Variants in CPQ observed in about 807,000 individuals in gnomAD.
CPQ encodes the protein carboxypeptidase Q, also known as Ser-Met dipeptidase.
CPQ carries 37 observed loss-of-function variants against 45.7 expected under a neutral mutation model. The ratio of observed to expected loss-of-function variants is 0.81; its 90% CI spans 0.62 to 1.07. CPQ has a LOEUF of 1.07. Among genes scored for constraint, CPQ ranks in the 50% least tolerant of loss-of-function variants. The probability of loss-of-function intolerance (pLI) is 0.00; values close to 1 mark genes in which losing one functional copy is unlikely to be tolerated. For missense variants in CPQ, 537 were observed against 572.9 expected, an observed-to-expected ratio of 0.94 and a Z score of 0.64; for synonymous variants, 186 against 205.8, an observed-to-expected ratio of 0.90 and a Z score of 0.82.
At chr8:97,093,875 C>T (rs1403934979) in intron 7 of CPQ, among the ~76,000 whole-genome samples, 2 of 152,180 alleles carry the variant, frequency 1.3e-5, no homozygotes, top group African/African-American at 4.8e-5. Flanking sequence ...TAGTCTCTGA[C>T]ATCACTGGGA....
chr8:96,978,870 C>A (rs1340437763), intron 5 of CPQ, among the ~76,000 whole-genome samples: 1 of 152,066 alleles, frequency 6.6e-6, no homozygotes, highest in African/African-American at 2.4e-5. Flanking sequence ...ATCACTGTAT[C>A]ACACACTTGG....
At chr8:96,918,605 G>A (rs114755245) in intron 4 of CPQ, among the ~76,000 whole-genome samples, 3 of 152,188 alleles carry the variant, frequency 2.0e-5, no homozygotes, top group Admixed American at 1.3e-4. Flanking sequence ...TAGGAATAGG[G>A]CTGCTGGTGT....
chr8:96,902,657 T>G (rs578178218), intron 4 of CPQ, among the ~76,000 whole-genome samples: 1 of 152,180 alleles, frequency 6.6e-6, no homozygotes, highest in Non-Finnish European at 1.5e-5. Flanking sequence ...TCTGCTACTA[T>G]GTATCTCGGT....
At chr8:96,810,133 G>C (rs572341126) in intron 2 of CPQ, among the ~76,000 whole-genome samples, 1 of 152,140 alleles carries the variant, frequency 6.6e-6, no homozygotes, top group Non-Finnish European at 1.5e-5. Context: ...CCTTCTCCAA[G>C]AGCCTTCCCC....
intron 2 of CPQ, among the ~76,000 whole-genome samples, chr8:96,806,025 A>G (rs1184939941): frequency 6.6e-6 from 1 of 152,140 alleles, no homozygotes; most frequent in Admixed American, 6.5e-5. Flanking sequence ...AGCCCTTTTA[A>G]GCAGAATACT....
At chr8:96,809,263 A>C (rs937496122) in intron 2 of CPQ, among the ~76,000 whole-genome samples, 7 of 152,124 alleles carry the variant, frequency 4.6e-5, no homozygotes, top group Non-Finnish European at 1.0e-4. Flanking sequence ...ATGAAAACAC[A>C]ATTCTACTCA....
chr8:96,718,224 C>G (rs375728208), intron 1 of CPQ, among the ~76,000 whole-genome samples: 1 of 152,216 alleles, frequency 6.6e-6, no homozygotes. Context: ...GGGCTTCTCC[C>G]AACCTGTTGT....
chr8:96,672,263 G>A (rs1809014115), intron 1 of CPQ, among the ~76,000 whole-genome samples: 1 of 152,138 alleles, frequency 6.6e-6, no homozygotes. Context: ...TGTCCTGTGA[G>A]GTTGTATAGT....
At chr8:96,697,117 A>G (rs935476531) in intron 1 of CPQ, among the ~76,000 whole-genome samples, 16 of 152,342 alleles carry the variant, frequency 1.1e-4, no homozygotes, top group Admixed American at 6.5e-4. Flanking sequence ...ACTGATGCCA[A>G]AATTCTTAAC....
chr8:96,755,425 A>G (rs1426864352), intron 1 of CPQ, among the ~76,000 whole-genome samples: 1 of 151,796 alleles, frequency 6.6e-6, no homozygotes, highest in Non-Finnish European at 1.5e-5. Context: ...ATTAATTTAA[A>G]TTTCTCACTT....
At chr8:96,700,922 T>C (rs112912512) in intron 1 of CPQ, among the ~76,000 whole-genome samples, 3,693 of 152,266 alleles carry the variant, frequency 0.024, 165 homozygotes, top group African/African-American at 0.084. Context: ...ATTTAAAATA[T>C]ATTTGAGTCT....
At chr8:96,703,411 A>G (rs190946564) in intron 1 of CPQ, among the ~76,000 whole-genome samples, 95 of 152,352 alleles carry the variant, frequency 6.2e-4, no homozygotes, top group Non-Finnish European at 1.1e-3. Context: ...TCAGTGCTCC[A>G]TAAATGCTTA....
At chr8:97,084,416 G>T (rs1432309825) in intron 7 of CPQ, among the ~76,000 whole-genome samples, 1 of 152,060 alleles carries the variant, frequency 6.6e-6, no homozygotes, top group African/African-American at 2.4e-5. Context: ...ATCAGGAAAA[G>T]GTGTCCTATT....
intron 7 of CPQ, among the ~76,000 whole-genome samples, chr8:97,083,443 C>T (rs942865157): frequency 6.6e-6 from 1 of 152,128 alleles, no homozygotes; most frequent in Non-Finnish European, 1.5e-5. Context: ...GAGCTACTAG[C>T]ATACACTATA....
At chr8:96,669,601 A>C (rs1018405850) in intron 1 of CPQ, among the ~76,000 whole-genome samples, 2 of 152,236 alleles carry the variant, frequency 1.3e-5, no homozygotes, top group Admixed American at 6.5e-5. Context: ...AAAAACAGAG[A>C]AGAAAAATAG....
intron 5 of CPQ, among the ~76,000 whole-genome samples, chr8:97,014,160 T>C (rs1367322934): frequency 6.6e-6 from 1 of 152,166 alleles, no homozygotes; most frequent in African/African-American, 2.4e-5. Flanking sequence ...AGTTGGCGAT[T>C]GCAACAATTC....
intron 1 of CPQ, among the ~76,000 whole-genome samples, chr8:96,742,440 C>G (rs1437745716): frequency 6.6e-6 from 1 of 152,140 alleles, no homozygotes; most frequent in Non-Finnish European, 1.5e-5. Flanking sequence ...ATTTGCCAGT[C>G]TGTGTCTTTT....
chr8:96,758,104 ATTAGTTT>A (rs1224940329), intron 1 of CPQ, among the ~76,000 whole-genome samples: 1 of 152,214 alleles, frequency 6.6e-6, no homozygotes, highest in African/African-American at 2.4e-5. Flanking sequence ...TAAAACATTA[ATTAGTTT>A]TTTCTAAATA....
At chr8:96,768,723 G>T (rs1810500223) in intron 1 of CPQ, among the ~76,000 whole-genome samples, 1 of 152,138 alleles carries the variant, frequency 6.6e-6, no homozygotes, top group Non-Finnish European at 1.5e-5. Context: ...TGCAGTAAGT[G>T]ACTTGCTGAA....
Sources: allele counts gnomAD v4.1 joint callset (sites outside exome capture counted in the v4.1 genomes callset), GRCh38; gene constraint gnomAD v4.1.1; transcripts MANE v1.5; gene names NCBI Gene and HGNC (gene_info 2026-07-23, HGNC 2026-07-21).